Variants in LRPPRC observed in about 807,000 individuals in gnomAD.
LRPPRC encodes leucine rich pentatricopeptide repeat containing, also known as leucine-rich PPR motif-containing protein, mitochondrial.
A neutral mutation model predicts 180.3 loss-of-function variants in LRPPRC; 120 were observed. That is an observed-to-expected ratio of 0.67 (90% CI 0.57 to 0.77). The LOEUF (loss-of-function observed/expected upper bound fraction) is 0.77. Among genes scored for constraint, LRPPRC ranks in the 30% least tolerant of loss-of-function variants. LRPPRC has a pLI of 0.00. For synonymous variants in LRPPRC, 723 were observed against 600.0 expected, an observed-to-expected ratio of 1.21 and a Z score of -3.00; for missense variants, 2,012 against 1,657.2, an observed-to-expected ratio of 1.21 and a Z score of -3.72.
In LRPPRC at chr2:43,901,471, A is replaced by T; in HGVS notation, c.3418T>A (p.Leu1140Ile). The T allele has an allele frequency of 6.2e-7, 1 of 1,614,084 alleles. No individual in the cohort carries two copies. Among genetic ancestry groups the T allele is most frequent in the Non-Finnish European group, 8.5e-7 (1 of 1,179,924 alleles). ...GCCTGGATGACACGGGTCACTGCTA[A>T]CCTAGAAGGGGTCTGCTGCTGATCC... The part of the protein sequence containing the change: ...VLDQQQTPSR[L>I]AVTRVIQALA... Residue 1140 changes from leucine to isoleucine, a missense_variant, in exon 32 of 38, where the codon TTA becomes ATA. Physicochemically the swap from Leu to Ile is conservative, Grantham distance 5 (BLOSUM62 2). Coordinates refer to ENST00000260665, the MANE Select transcript of LRPPRC (RefSeq NM_133259.4).
At chr2:43,935,021 T>TG (rs1672227675) in intron 23 of LRPPRC, 143 bp from the exon 24 acceptor site, 5 of 612,708 alleles carry the variant, frequency 8.2e-6, no homozygotes, top group Non-Finnish European at 8.5e-6. Context: ...AAAGCTAAAA[T>TG]GGGGGAAAAA....
intron 20 of LRPPRC, 125 bp downstream of exon 20, chr2:43,947,132 G>C (rs560378139): frequency 3.5e-6 from 2 of 576,552 alleles, no homozygotes; most frequent in African/African-American, 3.8e-5. Flanking sequence ...TCATTTAATT[G>C]CATTCTTTAC....
intron 1 of LRPPRC, among the ~76,000 whole-genome samples, chr2:43,989,025 C>G (rs538269999): frequency 1.4e-4 from 22 of 152,116 alleles, no homozygotes; most frequent in Non-Finnish European, 2.8e-4. Flanking sequence ...CAGGTGCATG[C>G]CACCACAGCT....
rs1032448562 is a variant in LRPPRC at position 43,963,665 on chromosome 2, G to A, written c.1411C>T (p.His471Tyr). 2 of 1,609,702 alleles carry A rather than the reference G, an allele frequency of 1.2e-6. No homozygotes were observed. Among genetic ancestry groups the A allele is most frequent in the South Asian group, 1.1e-5 (1 of 90,988 alleles). ...TCTGTATATGTTTCCTGATCAGGAT[G>A]TACTCCCAATTCTTGCATTCCTTTG... ...ILKGMQELGV[H>Y]PDQETYTDYV... Residue 471 changes from histidine (H) to tyrosine (Y), a missense_variant, in exon 12 of 38, where the codon CAT (histidine) becomes TAT (tyrosine). Physicochemically the swap from His to Tyr is moderately conservative, Grantham distance 83. Transcript: ENST00000260665.
chr2:43,918,810 G>GATATCTCT (rs1671582205), intron 27 of LRPPRC, among the ~76,000 whole-genome samples: 1 of 121,838 alleles, frequency 8.2e-6, no homozygotes, highest in African/African-American at 3.6e-5. Flanking sequence ...TATATATATA[G>GATATCTCT]ATATATATAT....
At chr2:43,910,592 A>C (rs1384560829) in intron 30 of LRPPRC, among the ~76,000 whole-genome samples, 2 of 152,162 alleles carry the variant, frequency 1.3e-5, no homozygotes, top group African/African-American at 4.8e-5. Flanking sequence ...AGTATGTTTT[A>C]TAATATAGTT....
At chr2:43,900,882 G>A (rs1670857546) in intron 32 of LRPPRC, among the ~76,000 whole-genome samples, 1 of 152,078 alleles carries the variant, frequency 6.6e-6, no homozygotes, top group African/African-American at 2.4e-5. Context: ...TTGTGGGGGT[G>A]GGAGAGTGTT....
chr2:43,930,251 A>C (rs1672039042), intron 25 of LRPPRC, among the ~76,000 whole-genome samples: 1 of 151,562 alleles, frequency 6.6e-6, no homozygotes, highest in South Asian at 2.1e-4. Flanking sequence ...GGGAAAAGTC[A>C]AGAAAGAGGA....
intron 1 of LRPPRC, among the ~76,000 whole-genome samples, chr2:43,991,034 T>TA (rs1553415267): frequency 1.2e-4 from 18 of 146,374 alleles, no homozygotes; most frequent in African/African-American, 5.0e-5. Flanking sequence ...ATACTTTTAT[T>TA]TTTTTTTTTT....
chr2:43,973,975 A>G (rs1156542403), intron 9 of LRPPRC, 75 bp from the exon 10 acceptor site: 1 of 1,120,962 alleles, frequency 8.9e-7, no homozygotes, highest in East Asian at 2.3e-5. Context: ...ATATTCTACC[A>G]CTTCTGAGAT....
rs559275256 is a variant in LRPPRC, at chr2:43,975,676, G to A, written c.738-459C>T. Among the ~76,000 whole-genome samples the A allele has an allele frequency of 1.4e-3, 210 of 151,284 alleles. 1 individual carries two copies. Among genetic ancestry groups the A allele is most frequent in the Middle Eastern group, 3.4e-3 (1 of 294 alleles). On this transcript the variant is annotated intron_variant, in intron 6 of 37. Coordinates refer to ENST00000260665, the MANE Select transcript of LRPPRC (RefSeq NM_133259.4). ...CGGCTCACTGCAACCTCTGCCTCCC[G>A]GGTTCAAGCAACGCTCCTGCCTCAG...
In LRPPRC at chr2:43,908,547, T is replaced by A. The variant is rs1671141488; in HGVS notation, c.3276-2767A>T. Among the ~76,000 whole-genome samples the A allele has an allele frequency of 2.6e-5, 4 of 152,082 alleles. No individual in the cohort carries two copies. The South Asian group carries it at 8.3e-4, about 32-fold the overall frequency. ...CATAGGAAAACTATGGCCTTTTTTT[T>A]TTCTCACTCTGTCACTCAGGCTGGA... On this transcript the variant is annotated intron_variant, in intron 30 of 37. Coordinates refer to ENST00000260665, the MANE Select transcript of LRPPRC (RefSeq NM_133259.4).
At chr2:43,917,837 T>C (rs773725062) in intron 29 of LRPPRC, among the ~76,000 whole-genome samples, 188 bp downstream of exon 29, 3 of 152,008 alleles carry the variant, frequency 2.0e-5, no homozygotes, top group African/African-American at 2.4e-5. Context: ...TACCACTCAG[T>C]CAATAGTTAA....
chr2:43,948,280 G>A (rs1345630552), intron 17 of LRPPRC, 81 bp from the exon 18 acceptor site: 7 of 971,616 alleles, frequency 7.2e-6, no homozygotes, highest in Non-Finnish European at 1.0e-5. Context: ...AATTATCTCA[G>A]ACATAATTTA....
At chr2:43,947,049 G>C (rs1349630399) in intron 20 of LRPPRC, among the ~76,000 whole-genome samples, 4 of 152,012 alleles carry the variant, frequency 2.6e-5, no homozygotes, top group Admixed American at 1.3e-4. Flanking sequence ...CATTCACTTT[G>C]CAGATTATCG....
At chr2:43,981,022 T>A (rs1481396752) in intron 2 of LRPPRC, among the ~76,000 whole-genome samples, 1 of 152,224 alleles carries the variant, frequency 6.6e-6, no homozygotes, top group Non-Finnish European at 1.5e-5. Flanking sequence ...ATATCTACAC[T>A]TCTGAGTGTG....
In LRPPRC at chr2:43,981,262, A is replaced by T. The variant is rs72879149; in HGVS notation, c.346+976T>A. Among the ~76,000 whole-genome samples the T allele has an allele frequency of 5.0e-3, 758 of 152,300 alleles. 8 individuals carry two copies. The highest frequency in any genetic ancestry group is 0.016 in the African/African-American group (649 of 41,552). ...TCATCTTACAGAAACCTGACACTCT[A>T]CAATGGAAGGTAAGAAAAACTAGTT... is the stretch of plus-strand genomic sequence containing the variant. On this transcript the variant is annotated intron_variant, in intron 2 of 37. Transcript: ENST00000260665.
At chr2:43,945,166 C>T (rs538865721) in intron 22 of LRPPRC, among the ~76,000 whole-genome samples, 166 bp downstream of exon 22, 1 of 152,158 alleles carries the variant, frequency 6.6e-6, no homozygotes, top group Non-Finnish European at 1.5e-5. Context: ...TCCATTAAAA[C>T]TAATGGCCTA....
At chr2:43,951,074 C>T (rs939778820) in intron 14 of LRPPRC, among the ~76,000 whole-genome samples, 26 of 152,254 alleles carry the variant, frequency 1.7e-4, no homozygotes, top group African/African-American at 6.3e-4. Context: ...AAAGTGACTG[C>T]CCACAGATTG....
Sources: allele counts gnomAD v4.1 joint callset (sites outside exome capture counted in the v4.1 genomes callset), GRCh38; gene constraint gnomAD v4.1.1; transcripts MANE v1.5; gene names NCBI Gene and HGNC (gene_info 2026-07-23, HGNC 2026-07-21).